Variants in GPC5 observed in about 807,000 individuals in gnomAD.
The protein encoded by GPC5 is glypican-5.
Under a neutral mutation model 53.9 loss-of-function variants are expected in GPC5, and 47 were observed. That is an observed-to-expected ratio of 0.87 (90% CI 0.69 to 1.11). The LOEUF is 1.11. Ranked by LOEUF, GPC5 falls within the 50% of genes most tolerant of loss-of-function variation. The probability of loss-of-function intolerance (pLI) is 0.00; values close to 1 mark genes in which losing one functional copy is unlikely to be tolerated. For missense variants in GPC5, 748 were observed against 713.1 expected (o/e 1.05, Z -0.56); for synonymous variants, 286 against 263.3 (o/e 1.09, Z -0.84).
intron 5 of GPC5, among the ~76,000 whole-genome samples, chr13:91,886,621 C>A (rs78834580): frequency 0.011 from 1,705 of 152,234 alleles, 40 homozygotes; most frequent in African/African-American, 0.039. Context: ...GGGTTACAGG[C>A]ATTGGGTACT....
intron 5 of GPC5, among the ~76,000 whole-genome samples, chr13:91,897,861 C>T (rs1219334609): frequency 1.3e-5 from 2 of 152,088 alleles, no homozygotes; most frequent in East Asian, 1.9e-4. Context: ...GCAGTGCGAC[C>T]ACACAGTTCA....
chr13:92,288,714 C>T (rs2042973899), intron 7 of GPC5, among the ~76,000 whole-genome samples: 1 of 152,140 alleles, frequency 6.6e-6, no homozygotes, highest in Non-Finnish European at 1.5e-5. Flanking sequence ...ATGCCATCTT[C>T]TGTGATACCA....
chr13:91,911,168 C>A lies in GPC5; in HGVS notation c.1401+3111C>A, dbSNP rs2039606328. Among the ~76,000 whole-genome samples, 3 of 152,222 alleles carry A rather than the reference C, an allele frequency of 2.0e-5. No homozygotes were observed. The South Asian group carries it at 6.2e-4, about 32-fold the overall frequency. ...GAGTTAAAGGGAGGAGATAAACATACCTCATGTTTTGGGGAGTCCAGTAGG... is the reference window on the plus strand; with the variant it reads ...GAGTTAAAGGGAGGAGATAAACATAACTCATGTTTTGGGGAGTCCAGTAGG... On this transcript the variant is annotated intron_variant, in intron 6 of 7. Transcript: ENST00000377067.
intron 1 of GPC5, among the ~76,000 whole-genome samples, chr13:91,422,644 A>G (rs201086540): frequency 2.1e-5 from 2 of 94,680 alleles, no homozygotes; most frequent in African/African-American, 7.0e-5. Context: ...AAAAGAAAAA[A>G]GAAAAAAAAA....
At chr13:92,503,594 A>G (rs1880264748) in intron 7 of GPC5, among the ~76,000 whole-genome samples, 1 of 151,808 alleles carries the variant, frequency 6.6e-6, no homozygotes, top group Non-Finnish European at 1.5e-5. Flanking sequence ...AACAAAGAAA[A>G]TATATTAAAA....
In GPC5 at chr13:92,409,964, G is replaced by A. The variant is rs1472600267; in HGVS notation, c.1561+264975G>A. On this transcript the variant is annotated intron_variant, in intron 7 of 7. Coordinates refer to ENST00000377067, the MANE Select transcript of GPC5 (RefSeq NM_004466.6). ...ACACTCCTTTTTATGTAAAAATAAG[G>A]TGTGTATGTGTGTGTATGCACACGC... Among the ~76,000 whole-genome samples, 3 of 152,296 alleles carry A rather than the reference G, an allele frequency of 2.0e-5. No individual in the cohort carries two copies. The East Asian group carries it at 5.8e-4, about 29-fold the overall frequency.
rs932004877 is a variant in GPC5, at chr13:91,938,819, T to C, written c.1401+30762T>C. Among the ~76,000 whole-genome samples the C allele has an allele frequency of 2.0e-5, 3 of 152,148 alleles. No individual in the cohort carries two copies. The South Asian group carries it at 6.2e-4, about 31-fold the overall frequency. On this transcript the variant is annotated intron_variant, in intron 6 of 7. Coordinates refer to ENST00000377067, the MANE Select transcript of GPC5 (RefSeq NM_004466.6). ...TATATAAATATTAAATACATATTGG[T>C]ATACATTGGGCAAAAGACAGATGCT...
intron 7 of GPC5, among the ~76,000 whole-genome samples, chr13:92,473,950 G>A (rs1255461236): frequency 6.6e-6 from 1 of 152,050 alleles, no homozygotes; most frequent in Non-Finnish European, 1.5e-5. Flanking sequence ...CAAAGTATTG[G>A]GTTTGCCTTT....
At chr13:91,910,798 G>C (rs2039602795) in intron 6 of GPC5, among the ~76,000 whole-genome samples, 1 of 152,124 alleles carries the variant, frequency 6.6e-6, no homozygotes, top group Non-Finnish European at 1.5e-5. Flanking sequence ...TTCTGTACAG[G>C]CACTGAGGTT....
intron 6 of GPC5, among the ~76,000 whole-genome samples, chr13:91,928,339 T>A (rs1297787024): frequency 1.3e-5 from 2 of 152,190 alleles, no homozygotes; most frequent in Non-Finnish European, 2.9e-5. Context: ...TAGGAAGGTC[T>A]CCATGGGATG....
intron 2 of GPC5, among the ~76,000 whole-genome samples, chr13:91,504,640 C>T (rs1884840794): frequency 1.3e-5 from 2 of 151,954 alleles, no homozygotes; most frequent in Non-Finnish European, 2.9e-5. Flanking sequence ...AATAATAAGA[C>T]ATTATGAAAA....
chr13:91,921,592 G>GTAT (rs1426615585), intron 6 of GPC5, among the ~76,000 whole-genome samples: 2 of 152,006 alleles, frequency 1.3e-5, no homozygotes, highest in Admixed American at 6.6e-5. Context: ...AATCAGTATA[G>GTAT]TATTACCCTA....
At chr13:91,529,729 T>C (rs1357210454) in intron 2 of GPC5, among the ~76,000 whole-genome samples, 1 of 152,238 alleles carries the variant, frequency 6.6e-6, no homozygotes, top group Non-Finnish European at 1.5e-5. Flanking sequence ...TTTCTCCCCA[T>C]ACTAGTAGTA....
intron 6 of GPC5, among the ~76,000 whole-genome samples, chr13:91,983,069 G>T (rs536140364): frequency 6.6e-6 from 1 of 152,134 alleles, no homozygotes; most frequent in African/African-American, 2.4e-5. Context: ...CAAGGTGCCG[G>T]TCGCGGTGGC....
intron 7 of GPC5, among the ~76,000 whole-genome samples, chr13:92,751,746 A>AAAAAAT (rs1555309446): frequency 4.6e-4 from 70 of 151,224 alleles, no homozygotes; most frequent in African/African-American, 1.5e-3. Context: ...TAAAGTATAA[A>AAAAAAT]AAAAAATAAA....
chr13:92,040,204 G>T (rs897506971), intron 6 of GPC5, among the ~76,000 whole-genome samples: 1 of 152,134 alleles, frequency 6.6e-6, no homozygotes, highest in Non-Finnish European at 1.5e-5. Flanking sequence ...CCAGGGCCAC[G>T]GTATGTGTGG....
chr13:92,072,187 TATAA>T (rs1262524572), intron 6 of GPC5, among the ~76,000 whole-genome samples: 1 of 148,192 alleles, frequency 6.7e-6, no homozygotes, highest in East Asian at 1.9e-4. Context: ...AAAATGTATA[TATAA>T]ATAAATAAAA....
At chr13:91,568,524 T>C (rs1053734409) in intron 2 of GPC5, among the ~76,000 whole-genome samples, 1 of 151,306 alleles carries the variant, frequency 6.6e-6, no homozygotes, top group Non-Finnish European at 1.5e-5. Flanking sequence ...TCCTGAGTTG[T>C]ACATCACATT....
chr13:92,253,466 A>C (rs2042706003), intron 7 of GPC5, among the ~76,000 whole-genome samples: 1 of 152,118 alleles, frequency 6.6e-6, no homozygotes, highest in African/African-American at 2.4e-5. Context: ...CTACAGAGAT[A>C]GAATGAAAAT....
Sources: gnomAD v4.1 joint callset for allele counts (sites outside exome capture counted in the v4.1 genomes callset) on GRCh38, gnomAD v4.1.1 for gene constraint, MANE v1.5 for transcripts, NCBI Gene and HGNC (gene_info 2026-07-23, HGNC 2026-07-21) for gene names.